Variants in TRIM37 observed in about 807,000 individuals in gnomAD.
The protein encoded by TRIM37 is E3 ubiquitin-protein ligase TRIM37.
A neutral mutation model predicts 129.8 loss-of-function variants in TRIM37; 80 were observed. The ratio of observed to expected loss-of-function variants is 0.62; its 90% CI spans 0.51 to 0.74. TRIM37 has a LOEUF of 0.74. Among genes scored for constraint, TRIM37 ranks in the 30% least tolerant of loss-of-function variants. TRIM37 has a pLI of 0.00. For missense variants in TRIM37, 1,054 were observed against 1,176.5 expected (o/e 0.90, Z 1.52); for synonymous variants, 389 against 387.1 (o/e 1.00, Z -0.06).
At chr17:59,053,009 T>C (rs553303043) in intron 13 of TRIM37, among the ~76,000 whole-genome samples, 11 of 128,020 alleles carry the variant, frequency 8.6e-5, no homozygotes, top group Non-Finnish European at 5.3e-5. Context: ...AATCAAGAGA[T>C]TAAATTACGT....
Position 59,049,882 on chromosome 17 carries a change from T to C in TRIM37, c.1315-489A>G, listed in dbSNP as rs993956262. ...TGACAAAGATAAACTGCCCCATTTATGCTCATCCTCCTTCTTTCATATCCA... is the reference window on the plus strand; with the variant it reads ...TGACAAAGATAAACTGCCCCATTTACGCTCATCCTCCTTCTTTCATATCCA... On this transcript the variant is annotated intron_variant, in intron 14 of 23. Transcript: ENST00000262294. Among the ~76,000 whole-genome samples the C allele has an allele frequency of 7.9e-4, 120 of 152,336 alleles. 1 individual carries two copies. The highest frequency in any genetic ancestry group is 7.8e-3 in the Admixed American group (119 of 15,290).
chr17:59,029,084 T>G (rs763525861), intron 18 of TRIM37, among the ~76,000 whole-genome samples: 1 of 152,180 alleles, frequency 6.6e-6, no homozygotes, highest in Non-Finnish European at 1.5e-5. Flanking sequence ...AAGAAAAATC[T>G]AGAAACCAAA....
intron 5 of TRIM37, among the ~76,000 whole-genome samples, chr17:59,081,953 T>TAAAAAAAAAAAAAAAAAAAAAAAAAAAAA (rs762912390): frequency 8.8e-6 from 1 of 113,344 alleles, no homozygotes; most frequent in Non-Finnish European, 1.7e-5. Flanking sequence ...AAAAAAAAAA[T>TAAAAAAAAAAAAAAAAAAAAAAAAAAAAA]AAAAAAAAAA....
At chr17:59,103,813 A>G (rs551377108) in intron 2 of TRIM37, among the ~76,000 whole-genome samples, 4 of 151,592 alleles carry the variant, frequency 2.6e-5, no homozygotes, top group Non-Finnish European at 5.9e-5. Context: ...ATGCCCAGCT[A>G]ATTTTTGTAT....
At chr17:59,087,736 G>A (rs7502208) in intron 4 of TRIM37, among the ~76,000 whole-genome samples, 96,282 of 150,458 alleles carry the variant, frequency 0.64, 30,872 homozygotes, top group African/African-American at 0.73. Flanking sequence ...TAAACATTCA[G>A]GGGTCCTGGA....
chr17:59,029,583 C>T (rs1429229970), intron 18 of TRIM37, among the ~76,000 whole-genome samples: 1 of 151,888 alleles, frequency 6.6e-6, no homozygotes, highest in African/African-American at 2.4e-5. Context: ...TAAATAAATA[C>T]ACAGAAAAAA....
At chr17:58,975,424 C>T in the TRIM37 span, among the ~76,000 whole-genome samples, 99 of 152,256 alleles carry the variant, frequency 6.5e-4, 1 homozygote, top group South Asian at 9.9e-3. Flanking sequence ...AATGCCTGAG[C>T]CCAGGATTTT....
At chr17:59,087,695 G>A (rs1399998944) in intron 4 of TRIM37, among the ~76,000 whole-genome samples, 1 of 152,012 alleles carries the variant, frequency 6.6e-6, no homozygotes, top group Non-Finnish European at 1.5e-5. Flanking sequence ...ACCATGTTGT[G>A]ACTCTACAGA....
Position 59,056,960 on chromosome 17 carries a change from A to G in TRIM37, c.1114T>C (p.Cys372Arg), listed in dbSNP as rs1322721969. 2 of 1,613,780 alleles carry G rather than the reference A, an allele frequency of 1.2e-6. No homozygotes were observed. The highest frequency in any genetic ancestry group is 1.7e-5 in the Admixed American group (1 of 60,000). Reference protein sequence around the residue: ...EFASDFEVGECWGYNRFFRLD... With the variant: ...EFASDFEVGERWGYNRFFRLD... ...CGGAAAAATCTATTATAGCCCCAGC[A>G]TTCTCCAACTTCAAAGTCAGATGCA... Residue 372 changes from cysteine (C) to arginine (R), a missense_variant, in exon 13 of 24, where the codon TGC becomes CGC. Around this residue, in one of 3 missense-constraint regions of TRIM37, gnomAD observed 752 missense variants for 870.8 expected, o/e 0.86. Transcript: ENST00000262294.
chr17:59,032,708 TA>T (rs1193467622), intron 17 of TRIM37, among the ~76,000 whole-genome samples: 2 of 151,744 alleles, frequency 1.3e-5, no homozygotes, highest in East Asian at 3.9e-4. Context: ...GGATGAGAGG[TA>T]AGGGTAAGGA....
At chr17:59,034,548 G>A (rs891369799) in intron 17 of TRIM37, among the ~76,000 whole-genome samples, 1 of 151,732 alleles carries the variant, frequency 6.6e-6, no homozygotes, top group Non-Finnish European at 1.5e-5. Flanking sequence ...TAGTAGAGAC[G>A]GGGTTTCTCC....
At chr17:59,002,891 T>G (rs1381114677) in intron 22 of TRIM37, among the ~76,000 whole-genome samples, 1 of 152,092 alleles carries the variant, frequency 6.6e-6, no homozygotes. Context: ...GTTAAAATTT[T>G]TGTTTGTTTT....
At chr17:58,975,179 G>A in the TRIM37 span, among the ~76,000 whole-genome samples, 1 of 152,152 alleles carries the variant, frequency 6.6e-6, no homozygotes, top group African/African-American at 2.4e-5. Flanking sequence ...GTGCTTGAGT[G>A]GCCAGTGAAT....
At chr17:59,053,746 T>G (rs998953830) in intron 13 of TRIM37, among the ~76,000 whole-genome samples, 58 of 152,190 alleles carry the variant, frequency 3.8e-4, no homozygotes, top group Non-Finnish European at 7.5e-4. Flanking sequence ...TCTTGGTGAA[T>G]AGTTAAACCC....
the TRIM37 span, among the ~76,000 whole-genome samples, chr17:58,976,971 A>C: frequency 6.6e-6 from 1 of 152,188 alleles, no homozygotes; most frequent in Non-Finnish European, 1.5e-5. Context: ...AGGACACTGA[A>C]TCCCATATTG....
chr17:58,992,046 G>A (rs999552555), intron 24 of TRIM37, among the ~76,000 whole-genome samples: 4 of 152,002 alleles, frequency 2.6e-5, no homozygotes, highest in South Asian at 4.1e-4. Context: ...AAATTTGGGC[G>A]TATTTGCTAT....
At chr17:59,090,943 T>A (rs1031380887) in intron 3 of TRIM37, among the ~76,000 whole-genome samples, 2 of 152,038 alleles carry the variant, frequency 1.3e-5, no homozygotes, top group Non-Finnish European at 2.9e-5. Context: ...CTATCTGGAT[T>A]TTTTTAACCA....
At position 59,014,309 on chromosome 17, in the gene TRIM37, C is replaced by G. The variant is rs191134112; in HGVS notation, c.2576+1301G>C. 2.6e-4 allele frequency among the ~76,000 whole-genome samples: 40 copies of G among 152,214 alleles called. 1 individual carries two copies. In the East Asian group the frequency reaches 6.2e-3, roughly 24 times the overall value. On this transcript the variant is annotated intron_variant, in intron 21 of 23. Coordinates refer to ENST00000262294, the MANE Select transcript of TRIM37 (RefSeq NM_015294.6). Reference sequence around the variant, plus strand: ...ATTTAGGTAAAATTCTTTTCAGGGTCTCCAAAATAGAACTATTTCATTGTT... The same window carrying G: ...ATTTAGGTAAAATTCTTTTCAGGGTGTCCAAAATAGAACTATTTCATTGTT...
At chr17:58,982,946 A>G (rs368755164) in intron 24 of TRIM37, 2 of 1,568,828 alleles carry the variant, frequency 1.3e-6, no homozygotes, top group Non-Finnish European at 8.7e-7. Flanking sequence ...AAACAAAGGC[A>G]GCAGACTATT....
Sources: gnomAD v4.1 joint callset for allele counts (sites outside exome capture counted in the v4.1 genomes callset) on GRCh38, gnomAD v4.1.1 for gene constraint, gnomAD v4.1.1 regional missense constraint, MANE v1.5 for transcripts, NCBI Gene and HGNC (gene_info 2026-07-23, HGNC 2026-07-21) for gene names.